The following TTC28 variants were observed in gnomAD, a reference collection of about 807,000 sequenced individuals.
TTC28 encodes the protein tetratricopeptide repeat protein 28.
TTC28 carries 61 observed loss-of-function variants against 198.0 expected under a neutral mutation model. The observed-to-expected ratio is 0.31, with a 90% confidence interval of 0.25 to 0.38. TTC28 has a LOEUF of 0.38. Ranked by LOEUF, TTC28 falls within the 10% of genes least tolerant of loss-of-function variation. The probability of loss-of-function intolerance (pLI) is 1.00; values close to 1 mark genes in which losing one functional copy is unlikely to be tolerated. For synonymous variants in TTC28, 1,171 were observed against 1,297.8 expected (o/e 0.90, Z 2.10); for missense variants, 2,678 against 3,164.0 (o/e 0.85, Z 3.69).
chr22:28,525,532 T>C (rs2048989850), intron 2 of TTC28, among the ~76,000 whole-genome samples: 1 of 152,198 alleles, frequency 6.6e-6, no homozygotes, highest in South Asian at 2.1e-4. Context: ...TTAAACTAGA[T>C]GACTGAAATT....
At chr22:28,651,574 C>G (rs573906249) in intron 1 of TTC28, among the ~76,000 whole-genome samples, 1 of 151,942 alleles carries the variant, frequency 6.6e-6, no homozygotes, top group Admixed American at 6.6e-5. Flanking sequence ...TGCCACCACA[C>G]CTGGCTAATT....
At chr22:28,436,498 G>A (rs2047521959) in intron 2 of TTC28, among the ~76,000 whole-genome samples, 1 of 152,146 alleles carries the variant, frequency 6.6e-6, no homozygotes, top group South Asian at 2.1e-4. Flanking sequence ...AGAAGGCTGA[G>A]TTAGTTCTTA....
At chr22:28,331,235 G>C (rs2045611504) in intron 2 of TTC28, among the ~76,000 whole-genome samples, 1 of 152,174 alleles carries the variant, frequency 6.6e-6, no homozygotes, top group African/African-American at 2.4e-5. Flanking sequence ...GAGCTTGTAA[G>C]TGTCAGAACA....
intron 5 of TTC28, among the ~76,000 whole-genome samples, chr22:28,165,511 AG>A (rs1194419820): frequency 1.3e-5 from 2 of 151,922 alleles, no homozygotes; most frequent in African/African-American, 4.8e-5. Flanking sequence ...AGAAGAGAGT[AG>A]GGGCCAATAT....
At chr22:28,270,816 T>G (rs1052521587) in intron 5 of TTC28, among the ~76,000 whole-genome samples, 2 of 152,072 alleles carry the variant, frequency 1.3e-5, no homozygotes, top group African/African-American at 4.8e-5. Flanking sequence ...GGAGGACTTC[T>G]TGGGCCCAGG....
At chr22:28,337,455 T>C (rs2045747992) in intron 2 of TTC28, among the ~76,000 whole-genome samples, 1 of 152,146 alleles carries the variant, frequency 6.6e-6, no homozygotes. Flanking sequence ...AAATCTCCCA[T>C]TATTATTGTG....
intron 13 of TTC28, among the ~76,000 whole-genome samples, chr22:28,027,393 G>T (rs1479753212): frequency 6.6e-6 from 1 of 152,250 alleles, no homozygotes; most frequent in African/African-American, 2.4e-5. Flanking sequence ...TGATTGCCGA[G>T]ACCTCAAAAA....
chr22:28,255,217 G>T (rs1233414019), intron 5 of TTC28, among the ~76,000 whole-genome samples: 1 of 152,006 alleles, frequency 6.6e-6, no homozygotes, highest in African/African-American at 2.4e-5. Flanking sequence ...CCAAGAGGGA[G>T]TAGACACAAT....
At chr22:28,441,283 C>T (rs1422375635) in intron 2 of TTC28, among the ~76,000 whole-genome samples, 1 of 152,146 alleles carries the variant, frequency 6.6e-6, no homozygotes, top group Non-Finnish European at 1.5e-5. Context: ...CATCTTAAAA[C>T]TACTCATAAA....
chr22:28,452,287 G>C (rs544952625), intron 2 of TTC28, among the ~76,000 whole-genome samples: 1 of 150,752 alleles, frequency 6.6e-6, no homozygotes, highest in Non-Finnish European at 1.5e-5. Flanking sequence ...CTACCCAGGA[G>C]GCCGAGGCAG....
intron 2 of TTC28, among the ~76,000 whole-genome samples, chr22:28,427,113 T>C (rs890629445): frequency 6.6e-6 from 1 of 152,228 alleles, no homozygotes; most frequent in Admixed American, 6.5e-5. Context: ...AAATTAAATG[T>C]GAGAAAAATA....
chr22:28,542,444 C>T (rs1288301234), intron 2 of TTC28, among the ~76,000 whole-genome samples: 1 of 152,006 alleles, frequency 6.6e-6, no homozygotes, highest in Non-Finnish European at 1.5e-5. Flanking sequence ...ATCCATATAT[C>T]CAAAAAGCTC....
chr22:28,440,413 A>G (rs1235240068), intron 2 of TTC28, among the ~76,000 whole-genome samples: 7 of 152,232 alleles, frequency 4.6e-5, no homozygotes, highest in African/African-American at 1.7e-4. Flanking sequence ...GCAAGTAAGC[A>G]GAGAAAAGAG....
chr22:28,647,274 T>C (rs1423847254), intron 1 of TTC28, among the ~76,000 whole-genome samples: 2 of 152,182 alleles, frequency 1.3e-5, no homozygotes, highest in Admixed American at 6.5e-5. Context: ...CCTGAAATCA[T>C]AGAAATTCTA....
intron 5 of TTC28, among the ~76,000 whole-genome samples, chr22:28,227,805 C>T (rs768651370): frequency 1.3e-5 from 2 of 151,850 alleles, no homozygotes; most frequent in African/African-American, 2.4e-5. Flanking sequence ...AAAAACAGTA[C>T]GGCAGTTCCT....
At chr22:28,261,484 T>C (rs1268167807) in intron 5 of TTC28, among the ~76,000 whole-genome samples, 5 of 152,162 alleles carry the variant, frequency 3.3e-5, no homozygotes, top group Non-Finnish European at 7.3e-5. Flanking sequence ...TCAAAGGATC[T>C]TGGCTTTTAT....
intron 2 of TTC28, among the ~76,000 whole-genome samples, chr22:28,505,638 G>A (rs970582642): frequency 6.6e-6 from 1 of 152,220 alleles, no homozygotes; most frequent in Non-Finnish European, 1.5e-5. Flanking sequence ...GCTATGTGAA[G>A]TATCTGCAGA....
chr22:28,248,307 C>T (rs1487072628), intron 5 of TTC28, among the ~76,000 whole-genome samples: 1 of 152,154 alleles, frequency 6.6e-6, no homozygotes, highest in Non-Finnish European at 1.5e-5. Context: ...TGTAGCCAGC[C>T]TGGAAACTAG....
chr22:28,589,032 C>A (rs985804210), intron 2 of TTC28, among the ~76,000 whole-genome samples: 1 of 152,138 alleles, frequency 6.6e-6, no homozygotes, highest in Non-Finnish European at 1.5e-5. Flanking sequence ...TATGCTTAAG[C>A]CTTCTTAGCC....
Sources: allele counts gnomAD v4.1 joint callset (sites outside exome capture counted in the v4.1 genomes callset), GRCh38; gene constraint gnomAD v4.1.1; transcripts MANE v1.5; gene names NCBI Gene and HGNC (gene_info 2026-07-23, HGNC 2026-07-21).